The following NADSYN1 variants were observed in gnomAD, a reference collection of about 807,000 sequenced individuals.
NADSYN1 encodes glutamine-dependent NAD(+) synthetase.
In NADSYN1, 80 loss-of-function variants were observed where a neutral mutation model predicts 99.3. The observed-to-expected ratio is 0.81, with a 90% CI of 0.67 to 0.97. The LOEUF is 0.97. NADSYN1 is among the 50% of genes least tolerant of loss of function. NADSYN1 has a pLI of 0.00. For missense variants in NADSYN1, 859 were observed against 948.5 expected (o/e 0.91, Z 1.24); for synonymous variants, 385 against 372.1 (o/e 1.03, Z -0.40).
At chr11:71,492,008 C>T (rs555879029) in intron 18 of NADSYN1, 105 bp downstream of exon 18, 37 of 1,067,986 alleles carry the variant, frequency 3.5e-5, no homozygotes, top group Non-Finnish European at 4.8e-5. Flanking sequence ...ACAGCTGCAT[C>T]GCTGTCACTG....
In NADSYN1 at chr11:71,458,526, T is replaced by A; in HGVS notation, c.245T>A (p.Ile82Asn). Reference sequence around the variant, plus strand: ...GTGGAGTCTCCCGTCACTCAGGACATCATCTGCGACGTGGGGATGTAAGTG... The same window carrying A: ...GTGGAGTCTCCCGTCACTCAGGACAACATCTGCGACGTGGGGATGTAAGTG... ...ALVESPVTQD[I>N]ICDVGMPVMH... The change falls in exon 3 of 21, where the codon ATC (isoleucine) becomes AAC (asparagine). Residue 82 changes from isoleucine to asparagine, a missense_variant. Coordinates refer to ENST00000319023, the MANE Select transcript of NADSYN1 (RefSeq NM_018161.5). 1 of 1,610,460 alleles carries A rather than the reference T, an allele frequency of 6.2e-7. No homozygotes were observed.
intron 5 of NADSYN1, among the ~76,000 whole-genome samples, chr11:71,464,929 G>A (rs1427622330): frequency 1.3e-5 from 2 of 149,434 alleles, no homozygotes; most frequent in African/African-American, 4.9e-5. Flanking sequence ...GTTCTAGGAA[G>A]TGCTTAGGTT....
rs1949562799 is a variant in NADSYN1, at chr11:71,463,314, T to C, written c.264-118T>C. The C allele has an allele frequency of 6.7e-6, 6 of 899,062 alleles. No individual in the cohort carries two copies. In the Admixed American group the frequency reaches 1.0e-4, roughly 15 times the overall value. 55.7% of individuals were successfully genotyped at this position (899,062 alleles called of 1,614,324 possible). ...AGAGCCTTGCAGTTCTCCGAAGGGA[T>C]CGGAGGAAGCTTCGTAGTAAAGTAA... On this transcript the variant is annotated intron_variant, in intron 3 of 20. Transcript: ENST00000319023.
intron 4 of NADSYN1, 35 bp from the exon 5 acceptor site, chr11:71,464,018 G>A (rs774646057): frequency 6.5e-7 from 1 of 1,546,330 alleles, no homozygotes; most frequent in Admixed American, 1.8e-5. Flanking sequence ...CATCTCAGGA[G>A]CCCGGTGTGC....
At chr11:71,498,679 GT>G in intron 20 of NADSYN1, 151 bp downstream of exon 20, 1 of 831,590 alleles carries the variant, frequency 1.2e-6, no homozygotes. Flanking sequence ...TGTTTAAAGC[GT>G]TTTTTAAATT....
At position 71,474,537 on chromosome 11, in the gene NADSYN1, G is replaced by A. The variant is rs761566058; in HGVS notation, c.798+11G>A. On this transcript the variant is annotated intron_variant, in intron 9 of 20. Transcript: ENST00000319023. ...TCTCTGGATGACGTGGTAATGAGCG[G>A]GCCTGGACATGCCTGGGGGAGGGTT... 3.7e-6 allele frequency: 6 copies of A among 1,614,018 alleles called. No homozygotes were observed. The highest frequency in any genetic ancestry group is 5.1e-6 in the Non-Finnish European group (6 of 1,179,924).
chr11:71,498,469 C>G lies in NADSYN1; in HGVS notation c.2011C>G (p.Leu671Val). The change falls in exon 20 of 21, where the codon CTG (leucine) becomes GTG (valine). Residue 671 changes from leucine (L) to valine (V), a missense_variant. Leu to Val is a conservative substitution (Grantham distance 32, BLOSUM62 1). Coordinates refer to ENST00000319023, the MANE Select transcript of NADSYN1 (RefSeq NM_018161.5). ...CAGCCCTGAGGACAACAGGTTTGAT[C>G]TGCGACCATTTCTGTACAACACAAG... ...NYSPEDNRFDLRPFLYNTSWP... is the reference protein window; with the variant it reads ...NYSPEDNRFDVRPFLYNTSWP... The G allele has an allele frequency of 6.2e-7, 1 of 1,614,232 alleles. No individual in the cohort carries two copies. The highest frequency in any genetic ancestry group is 8.5e-7 in the Non-Finnish European group (1 of 1,180,044).
chr11:71,497,545 G>A lies in NADSYN1; in HGVS notation c.1827G>A (p.Lys609=). 2.5e-6 allele frequency: 4 copies of A among 1,614,172 alleles called. No individual in the cohort carries two copies. The South Asian group carries it at 3.3e-5, about 13-fold the overall frequency. Residue 609 remains lysine, a synonymous_variant, in exon 19 of 21, where the codon AAG becomes AAA. Transcript: ENST00000319023. ...SVYGKLRKVA[K]MGPYSMFCKL... ...ATGGGAAACTCAGGAAGGTGGCCAA[G>A]ATGGGGCCCTACAGCATGTTCTGCA... is the stretch of plus-strand genomic sequence containing the variant.
chr11:71,465,463 G>A (rs1319439769), intron 5 of NADSYN1, among the ~76,000 whole-genome samples: 1 of 152,186 alleles, frequency 6.6e-6, no homozygotes, highest in Non-Finnish European at 1.5e-5. Context: ...ATCAATCAGG[G>A]ATATCAGTCA....
rs750925331 is a variant in NADSYN1 at position 71,463,471 on chromosome 11, G to A, written c.303G>A (p.Val101=). The A allele has an allele frequency of 8.1e-6, 13 of 1,613,984 alleles. 1 individual carries two copies. The South Asian group carries it at 1.3e-4, about 16-fold the overall frequency. ...MHRNVRYNCR[V]IFLNRKILLI... The stretch of plus-strand genomic sequence containing the variant: ...GAAACGTCCGCTACAACTGCAGAGT[G>A]ATATTCCTCAACAGGTAGGCCCCCT... The change falls in exon 4 of 21, where the codon GTG becomes GTA. Residue 101 remains valine, a synonymous_variant. Transcript: ENST00000319023.
At chr11:71,487,048 C>T (rs774884875) in intron 16 of NADSYN1, among the ~76,000 whole-genome samples, 26 of 152,188 alleles carry the variant, frequency 1.7e-4, no homozygotes, top group African/African-American at 2.4e-4. Context: ...CCTCGTGATC[C>T]GCCCACCTTG....
intron 2 of NADSYN1, among the ~76,000 whole-genome samples, chr11:71,455,946 T>C (rs12792306): frequency 0.58 from 88,700 of 152,086 alleles, 28,035 homozygotes; most frequent in Non-Finnish European, 0.74. Context: ...AAAACAAAAA[T>C]GAAAACAAAA....
chr11:71,478,431 C>G lies in NADSYN1; in HGVS notation c.835C>G (p.Arg279Gly). Residue 279 changes from arginine (R) to glycine (G), a missense_variant, in exon 10 of 21, where the codon CGG becomes GGG. Physicochemically the swap from Arg to Gly is moderately radical, Grantham distance 125. Coordinates refer to ENST00000319023, the MANE Select transcript of NADSYN1 (RefSeq NM_018161.5). Reference sequence around the variant, plus strand: ...GGCCACGCTGGATCTGGAGGACGTCCGGAGCTACAGGGCGGAGATTTCATC... The same window carrying G: ...GGCCACGCTGGATCTGGAGGACGTCGGGAGCTACAGGGCGGAGATTTCATC... ...LTATLDLEDVRSYRAEISSRN... is the reference protein window; with the variant it reads ...LTATLDLEDVGSYRAEISSRN... 1 of 1,609,394 alleles carries G rather than the reference C, an allele frequency of 6.2e-7. No homozygotes were observed. The highest frequency in any genetic ancestry group is 8.5e-7 in the Non-Finnish European group (1 of 1,178,046).
chr11:71,462,542 C>G (rs564449079), intron 3 of NADSYN1, among the ~76,000 whole-genome samples: 2 of 152,294 alleles, frequency 1.3e-5, no homozygotes, highest in Admixed American at 1.3e-4. Context: ...GCCCTGACCA[C>G]CGCAGGCACG....
intron 13 of NADSYN1, 99 bp downstream of exon 13, chr11:71,482,124 T>C (rs552738141): frequency 4.7e-6 from 5 of 1,074,396 alleles, no homozygotes; most frequent in South Asian, 1.4e-5. Context: ...ACCCGTGCCA[T>C]GGACATCGGG....
chr11:71,477,216 C>T lies in NADSYN1; in HGVS notation c.799-1179C>T, dbSNP rs3794063. On this transcript the variant is annotated intron_variant, in intron 9 of 20. Transcript: ENST00000319023. ...TGTCGTGTGCCTGGAGTCAGGCCGC[C>T]GTGCGGCAGGCTGTTAACCTAGCCT... 1.3e-3 allele frequency: 1,486 copies of T among 1,186,122 alleles called. 35 individuals are homozygous for T. The East Asian group carries it at 0.063, about 50-fold the overall frequency. The allele number at this position is 1,186,122 out of a possible 1,614,324, so 73.5% of individuals were successfully genotyped here. A position where few individuals can be genotyped will look rare whatever the true frequency, so the allele number is the denominator to read the frequency against.
At chr11:71,484,742 C>A (rs2120485897) in intron 15 of NADSYN1, 1 of 375,708 alleles carries the variant, frequency 2.7e-6, no homozygotes, top group African/African-American at 2.0e-5. Context: ...TGTGCATGAG[C>A]CTGAGTGCAA....
chr11:71,482,051 G>C (rs1490575353), intron 13 of NADSYN1, 26 bp downstream of exon 13: 1 of 1,587,536 alleles, frequency 6.3e-7, no homozygotes, highest in Admixed American at 1.8e-5. Flanking sequence ...TGGCTTGAGG[G>C]AGGCTCCAGG....
chr11:71,458,715 C>A (rs1949529431), intron 3 of NADSYN1, 171 bp downstream of exon 3: 1 of 573,650 alleles, frequency 1.7e-6, no homozygotes, highest in African/African-American at 1.9e-5. Context: ...CCGTAAGCCA[C>A]CTCATTTCCC....
Sources: allele counts gnomAD v4.1 joint callset (sites outside exome capture counted in the v4.1 genomes callset), GRCh38; gene constraint gnomAD v4.1.1; transcripts MANE v1.5; gene names NCBI Gene and HGNC (gene_info 2026-07-23, HGNC 2026-07-21).